TTC28: variants seen among roughly 807,000 people sequenced by gnomAD.
TTC28 encodes tetratricopeptide repeat domain 28.
Under a neutral mutation model 198.0 loss-of-function variants are expected in TTC28, and 61 were observed. That is an observed-to-expected ratio of 0.31 (90% CI 0.25 to 0.38). The LOEUF (loss-of-function observed/expected upper bound fraction) is 0.38. Ranked by LOEUF, TTC28 falls within the 10% of genes least tolerant of loss-of-function variation. The pLI, the probability that TTC28 is intolerant of heterozygous loss-of-function variation, is 1.00. For synonymous variants in TTC28, 1,171 were observed against 1,297.8 expected, an observed-to-expected ratio of 0.90 and a Z score of 2.10; for missense variants, 2,678 against 3,164.0, an observed-to-expected ratio of 0.85 and a Z score of 3.69.
intron 5 of TTC28, among the ~76,000 whole-genome samples, chr22:28,245,830 C>T (rs1216662333): frequency 6.6e-6 from 1 of 152,182 alleles, no homozygotes; most frequent in Non-Finnish European, 1.5e-5. Context: ...AGACCTTTCA[C>T]AATCAGGCTC....
At chr22:28,370,478 A>G (rs978556851) in intron 2 of TTC28, among the ~76,000 whole-genome samples, 2 of 152,246 alleles carry the variant, frequency 1.3e-5, no homozygotes, top group African/African-American at 2.4e-5. Context: ...CCATTTTGAT[A>G]GGCAAATGAA....
intron 2 of TTC28, among the ~76,000 whole-genome samples, chr22:28,330,758 T>C (rs1382268256): frequency 6.6e-6 from 1 of 152,110 alleles, no homozygotes; most frequent in Non-Finnish European, 1.5e-5. Flanking sequence ...TAAGAAAAGA[T>C]AATTAATAGC....
intron 5 of TTC28, among the ~76,000 whole-genome samples, chr22:28,294,795 C>T (rs1427746937): frequency 6.6e-6 from 1 of 152,084 alleles, no homozygotes; most frequent in Non-Finnish European, 1.5e-5. Context: ...TCTTCAACTC[C>T]TGACCTCATG....
intron 2 of TTC28, among the ~76,000 whole-genome samples, chr22:28,311,885 G>GC (rs1180710538): frequency 6.6e-6 from 1 of 151,646 alleles, no homozygotes; most frequent in African/African-American, 2.4e-5. Context: ...ATTGCTAAAT[G>GC]CCCCCCAATT....
In TTC28 at chr22:28,349,245, T is replaced by C. The variant is rs76008565; in HGVS notation, c.382-42602A>G. Reference sequence around the variant, plus strand: ...AAAGGCCATGTAGCCAGAGGTCATATTTTTTCAGCCTGCTAAATTGAAATG... The same window carrying C: ...AAAGGCCATGTAGCCAGAGGTCATACTTTTTCAGCCTGCTAAATTGAAATG... On this transcript the variant is annotated intron_variant, in intron 2 of 22. Coordinates refer to ENST00000397906, the MANE Select transcript of TTC28 (RefSeq NM_001145418.2). Among the ~76,000 whole-genome samples the C allele has an allele frequency of 6.0e-3, 910 of 152,326 alleles. 6 individuals carry two copies. Among genetic ancestry groups the C allele is most frequent in the Non-Finnish European group, 8.7e-3 (589 of 68,040 alleles).
chr22:28,396,064 T>C (rs1433375438), intron 2 of TTC28, among the ~76,000 whole-genome samples: 1 of 152,172 alleles, frequency 6.6e-6, no homozygotes, highest in Non-Finnish European at 1.5e-5. Context: ...TTATTCCACA[T>C]TGCTCCCCTC....
chr22:28,620,482 A>G lies in TTC28; in HGVS notation c.381+9070T>C, dbSNP rs968914739. Reference sequence around the variant, plus strand: ...TCGGCAGTGCCAAAACTGTTGTACCAGATCAGCTACAGACAAAAGCAGAGC... The same window carrying G: ...TCGGCAGTGCCAAAACTGTTGTACCGGATCAGCTACAGACAAAAGCAGAGC... On this transcript the variant is annotated intron_variant, in intron 2 of 22. Coordinates refer to ENST00000397906, the MANE Select transcript of TTC28 (RefSeq NM_001145418.2). 3.3e-5 allele frequency among the ~76,000 whole-genome samples: 5 copies of G among 152,260 alleles called. No homozygotes were observed. In the East Asian group the frequency reaches 9.6e-4, roughly 29 times the overall value.
intron 5 of TTC28, among the ~76,000 whole-genome samples, chr22:28,282,979 G>A (rs1240067216): frequency 6.6e-6 from 1 of 152,084 alleles, no homozygotes; most frequent in African/African-American, 2.4e-5. Context: ...AAGAAAAAGA[G>A]CTTTTTATAA....
chr22:28,519,427 A>G (rs577822542), intron 2 of TTC28, among the ~76,000 whole-genome samples: 1 of 152,360 alleles, frequency 6.6e-6, no homozygotes, highest in African/African-American at 2.4e-5. Flanking sequence ...AAAAATAAAC[A>G]ACTTGCTGAA....
intron 2 of TTC28, among the ~76,000 whole-genome samples, chr22:28,315,260 A>C (rs1242820336): frequency 6.6e-6 from 1 of 152,100 alleles, no homozygotes; most frequent in African/African-American, 2.4e-5. Context: ...GCCATTTGGA[A>C]GTTGCTTTCT....
chr22:28,215,181 A>C (rs1041623788), intron 5 of TTC28, among the ~76,000 whole-genome samples: 8 of 152,196 alleles, frequency 5.3e-5, no homozygotes, highest in Admixed American at 5.2e-4. Context: ...TATCTAATGT[A>C]AATGACGAGT....
At chr22:28,388,731 G>A (rs1387859948) in intron 2 of TTC28, among the ~76,000 whole-genome samples, 1 of 152,194 alleles carries the variant, frequency 6.6e-6, no homozygotes, top group Non-Finnish European at 1.5e-5. Context: ...TCAGCTTAAG[G>A]AGATTTTGGG....
intron 12 of TTC28, among the ~76,000 whole-genome samples, chr22:28,058,365 T>C (rs1272727961): frequency 6.6e-6 from 1 of 152,250 alleles, no homozygotes; most frequent in East Asian, 1.9e-4. Flanking sequence ...GATATAGTGT[T>C]GAGCCTAGAA....
At chr22:28,592,405 C>A (rs1275360715) in intron 2 of TTC28, among the ~76,000 whole-genome samples, 4 of 151,984 alleles carry the variant, frequency 2.6e-5, no homozygotes, top group Admixed American at 6.6e-5. Flanking sequence ...AATCCTAGCA[C>A]TTTGGGAGGC....
At chr22:28,585,657 A>AATT (rs1219377149) in intron 2 of TTC28, among the ~76,000 whole-genome samples, 2 of 152,166 alleles carry the variant, frequency 1.3e-5, no homozygotes, top group Admixed American at 6.5e-5. Flanking sequence ...AGTAAGCCTT[A>AATT]TCTACATTTT....
intron 2 of TTC28, among the ~76,000 whole-genome samples, chr22:28,447,981 T>A (rs1299009873): frequency 1.3e-5 from 2 of 152,212 alleles, no homozygotes; most frequent in African/African-American, 4.8e-5. Context: ...TTCTTTCGCT[T>A]ACTCCAAATT....
intron 2 of TTC28, among the ~76,000 whole-genome samples, chr22:28,579,753 G>A (rs1248747938): frequency 3.3e-5 from 5 of 151,894 alleles, no homozygotes; most frequent in Non-Finnish European, 7.4e-5. Flanking sequence ...CAGATCACTT[G>A]AGGTCAGGAG....
chr22:28,012,971 G>A (rs1938218559), intron 14 of TTC28, among the ~76,000 whole-genome samples: 1 of 152,212 alleles, frequency 6.6e-6, no homozygotes, highest in African/African-American at 2.4e-5. Flanking sequence ...CAGCTCTGCT[G>A]GTTCCCAAAG....
intron 2 of TTC28, among the ~76,000 whole-genome samples, chr22:28,410,215 C>G (rs1005485433): frequency 6.6e-6 from 1 of 152,200 alleles, no homozygotes; most frequent in Admixed American, 6.5e-5. Flanking sequence ...AGTCATAATG[C>G]CTGGCCTGTG....
Sources: gnomAD v4.1 joint callset for allele counts (sites outside exome capture counted in the v4.1 genomes callset) on GRCh38, gnomAD v4.1.1 for gene constraint, MANE v1.5 for transcripts, NCBI Gene and HGNC (gene_info 2026-07-23, HGNC 2026-07-21) for gene names.